NMUR2: variants seen among roughly 807,000 people sequenced by gnomAD.
NMUR2 encodes the protein neuromedin U receptor 2.
A neutral mutation model predicts 25.1 loss-of-function variants in NMUR2; 24 were observed. The observed-to-expected ratio is 0.96, with a 90% CI of 0.69 to 1.34. The LOEUF (loss-of-function observed/expected upper bound fraction) is 1.34, where lower values mean the gene tolerates loss of function less well. Ranked by LOEUF, NMUR2 falls within the 40% of genes most tolerant of loss-of-function variation. The pLI is 0.00. For missense variants in NMUR2, 533 were observed against 512.8 expected (o/e 1.04, Z -0.38); for synonymous variants, 218 against 208.1 (o/e 1.05, Z -0.41).
chr5:152,394,092 A>G (rs1405969444), intron 3 of NMUR2, among the ~76,000 whole-genome samples: 1 of 152,164 alleles, frequency 6.6e-6, no homozygotes, highest in Non-Finnish European at 1.5e-5. Flanking sequence ...TGAGGCTATA[A>G]CTTGAAAATC....
chr5:152,391,861 C>T lies in NMUR2; in HGVS notation c.*330G>A, dbSNP rs562333121. On this transcript the variant is annotated 3_prime_UTR_variant, in exon 4 of 4. Coordinates refer to ENST00000255262, the MANE Select transcript of NMUR2 (RefSeq NM_020167.5). ...GTAGGAGTGACAGCCTGACTCGGAA[C>T]GTAGATGACTCAGGACGAACCATTT... The T allele has an allele frequency of 1.7e-4, 34 of 203,090 alleles. No homozygotes were observed. The highest frequency in any genetic ancestry group is 1.2e-3 in the Admixed American group (23 of 19,064). The allele number at this position is 203,090 out of a possible 1,614,324, so 12.6% of individuals were successfully genotyped here.
At chr5:152,400,203 A>C (rs1015953328) in intron 1 of NMUR2, among the ~76,000 whole-genome samples, 6 of 152,140 alleles carry the variant, frequency 3.9e-5, no homozygotes, top group African/African-American at 1.2e-4. Flanking sequence ...TGTCTCTTGA[A>C]TATATCGGAG....
chr5:152,393,701 A>G (rs1182907555), intron 3 of NMUR2, among the ~76,000 whole-genome samples: 3 of 152,198 alleles, frequency 2.0e-5, no homozygotes, highest in Admixed American at 1.3e-4. Context: ...ATAACAAATC[A>G]TGCTATAGCA....
chr5:152,394,163 C>T (rs1260613737), intron 3 of NMUR2, among the ~76,000 whole-genome samples: 1 of 152,052 alleles, frequency 6.6e-6, no homozygotes, highest in Non-Finnish European at 1.5e-5. Context: ...TCTCATTTGA[C>T]CTTGTAGTGC....
In NMUR2 at chr5:152,404,771, C is replaced by T. The variant is rs555065239; in HGVS notation, c.343G>A (p.Gly115Arg). 3.7e-6 allele frequency: 6 copies of T among 1,614,050 alleles called. No individual in the cohort carries two copies. Among genetic ancestry groups the T allele is most frequent in the African/African-American group, 1.3e-5 (1 of 74,986 alleles). Residue 115 changes from glycine (G) to arginine (R), a missense_variant, in exon 1 of 4, where the codon GGG (glycine) becomes AGG (arginine). Gly to Arg is a moderately radical substitution (Grantham distance 125, BLOSUM62 -2). Transcript: ENST00000255262. ...GTCTTGAAGTAGCAGCCCACGGGCC[C>T]GAACAAGAAAGGGTAGTTGCGCCAC... ...EMWRNYPFLFGPVGCYFKTAL... is the reference protein window; with the variant it reads ...EMWRNYPFLFRPVGCYFKTAL...
intron 1 of NMUR2, among the ~76,000 whole-genome samples, chr5:152,403,686 T>C (rs1281995065): frequency 6.7e-6 from 1 of 148,150 alleles, no homozygotes; most frequent in Non-Finnish European, 1.5e-5. Flanking sequence ...CTCAGTCATG[T>C]CATTAATATA....
intron 2 of NMUR2, among the ~76,000 whole-genome samples, chr5:152,396,923 T>C (rs970900532): frequency 6.6e-6 from 1 of 151,518 alleles, no homozygotes; most frequent in Non-Finnish European, 1.5e-5. Context: ...AACAAACAAC[T>C]TTAATTCCTG....
At position 152,391,936 on chromosome 5, in the gene NMUR2, G is replaced by A. The variant is rs997014659; in HGVS notation, c.*255C>T. The A allele has an allele frequency of 1.9e-5, 7 of 373,286 alleles. No individual in the cohort carries two copies. The highest frequency in any genetic ancestry group is 1.0e-4 in the African/African-American group (5 of 49,056). The allele number at this position is 373,286 out of a possible 1,614,324, so 23.1% of individuals were successfully genotyped here. A position where few individuals can be genotyped will look rare whatever the true frequency, so the allele number is the denominator to read the frequency against. ...ATAGGTGCCATGCCTTTCCAGTCACGTTCTTGGCATGAACTAGTGAAGGGG... is the reference window on the plus strand; with the variant it reads ...ATAGGTGCCATGCCTTTCCAGTCACATTCTTGGCATGAACTAGTGAAGGGG... On this transcript the variant is annotated 3_prime_UTR_variant, in exon 4 of 4. Transcript: ENST00000255262.
At chr5:152,396,210 A>G (rs1449899769) in intron 2 of NMUR2, among the ~76,000 whole-genome samples, 3 of 145,366 alleles carry the variant, frequency 2.1e-5, no homozygotes, top group Admixed American at 7.2e-5. Context: ...ACACACACAC[A>G]CACACACACA....
chr5:152,401,664 C>T (rs1041025102), intron 1 of NMUR2, among the ~76,000 whole-genome samples: 1 of 152,230 alleles, frequency 6.6e-6, no homozygotes, highest in African/African-American at 2.4e-5. Flanking sequence ...ATCAGACTGT[C>T]ACCAGAACTT....
intron 3 of NMUR2, among the ~76,000 whole-genome samples, chr5:152,393,310 G>C (rs1162159992): frequency 6.6e-6 from 1 of 152,112 alleles, no homozygotes; most frequent in Non-Finnish European, 1.5e-5. Context: ...TGAGGGTAAA[G>C]TTAAGATACC....
chr5:152,396,352 T>C lies in NMUR2; in HGVS notation c.812-768A>G, dbSNP rs566170704. ...GGTATACATGAAACAAGATTAGCTA[T>C]GAGGTAATACTTTTTGAAGCTGGGT... On this transcript the variant is annotated intron_variant, in intron 2 of 3. Coordinates refer to ENST00000255262, the MANE Select transcript of NMUR2 (RefSeq NM_020167.5). Among the ~76,000 whole-genome samples, 7 of 152,270 alleles carry C rather than the reference T, an allele frequency of 4.6e-5. No individual in the cohort carries two copies. The South Asian group carries it at 1.5e-3, about 32-fold the overall frequency.
chr5:152,392,958 A>G (rs1353951731), intron 3 of NMUR2, among the ~76,000 whole-genome samples: 1 of 152,188 alleles, frequency 6.6e-6, no homozygotes, highest in Non-Finnish European at 1.5e-5. Flanking sequence ...TAATGCTAAG[A>G]TACGGCTTCA....
chr5:152,402,855 A>G (rs1225309648), intron 1 of NMUR2, among the ~76,000 whole-genome samples: 1 of 152,200 alleles, frequency 6.6e-6, no homozygotes, highest in Non-Finnish European at 1.5e-5. Flanking sequence ...GGACTGGCAC[A>G]GCTCTCTGCC....
chr5:152,401,860 G>A (rs1025208785), intron 1 of NMUR2, among the ~76,000 whole-genome samples: 7 of 152,152 alleles, frequency 4.6e-5, no homozygotes, highest in African/African-American at 1.7e-4. Flanking sequence ...TCAGTCTTGG[G>A]CTTGCTGCCT....
In NMUR2 at chr5:152,392,084, G is replaced by C. The variant is rs371556814; in HGVS notation, c.*107C>G. 5.8e-5 allele frequency: 56 copies of C among 964,924 alleles called. No homozygotes were observed. In the South Asian group the frequency reaches 8.4e-4, roughly 14 times the overall value. 59.8% of individuals were successfully genotyped at this position (964,924 alleles called of 1,614,324 possible). ...AAAAAAACTAGCAATGGGTACATGA[G>C]TTGTAAGAGCCATTCTACCTCTCTA... is the stretch of plus-strand genomic sequence containing the variant. On this transcript the variant is annotated 3_prime_UTR_variant, in exon 4 of 4. Coordinates refer to ENST00000255262, the MANE Select transcript of NMUR2 (RefSeq NM_020167.5).
intron 3 of NMUR2, among the ~76,000 whole-genome samples, chr5:152,393,101 A>G (rs927460177): frequency 1.3e-5 from 2 of 152,198 alleles, no homozygotes; most frequent in Non-Finnish European, 2.9e-5. Flanking sequence ...CCTGTTTGGA[A>G]TACACTCTTC....
intron 2 of NMUR2, among the ~76,000 whole-genome samples, chr5:152,396,528 A>G (rs1267785304): frequency 1.3e-5 from 2 of 152,136 alleles, no homozygotes; most frequent in Admixed American, 6.6e-5. Flanking sequence ...TTCAAAGATA[A>G]CTATAGGTTT....
At chr5:152,395,718 C>T (rs963784496) in intron 2 of NMUR2, 134 bp from the exon 3 acceptor site, 33 of 845,338 alleles carry the variant, frequency 3.9e-5, no homozygotes, top group Non-Finnish European at 5.4e-5. Flanking sequence ...GTTATAGAGG[C>T]AAACTAGATC....
Sources: allele counts gnomAD v4.1 joint callset (sites outside exome capture counted in the v4.1 genomes callset), GRCh38; gene constraint gnomAD v4.1.1; transcripts MANE v1.5; gene names NCBI Gene and HGNC (gene_info 2026-07-23, HGNC 2026-07-21).